The following MAD1L1 variants were observed in gnomAD, a reference collection of about 807,000 sequenced individuals.
MAD1L1 encodes the protein mitotic spindle assembly checkpoint protein MAD1.
MAD1L1 carries 95 observed loss-of-function variants against 96.9 expected under a neutral mutation model. That is an observed-to-expected ratio of 0.98 (90% confidence interval 0.83 to 1.16). The LOEUF (loss-of-function observed/expected upper bound fraction) is 1.16, where lower values mean the gene tolerates loss of function less well. MAD1L1 is among the 50% of genes most tolerant of loss of function. MAD1L1 has a pLI of 0.00. For missense variants in MAD1L1, 1,007 were observed against 954.4 expected (o/e 1.06, Z -0.73); for synonymous variants, 473 against 396.6 (o/e 1.19, Z -2.29).
At chr7:1,861,243 G>C (rs192619023) in intron 18 of MAD1L1, among the ~76,000 whole-genome samples, 19 of 152,312 alleles carry the variant, frequency 1.2e-4, no homozygotes, top group Middle Eastern at 3.4e-3. Flanking sequence ...TGGGTCCGGT[G>C]GGGGCTGGGC....
At chr7:1,834,414 C>A (rs1215886319) in intron 18 of MAD1L1, among the ~76,000 whole-genome samples, 2 of 152,112 alleles carry the variant, frequency 1.3e-5, no homozygotes, top group Non-Finnish European at 2.9e-5. Context: ...AGAGAAGAGA[C>A]AAATTATTAA....
intron 15 of MAD1L1, among the ~76,000 whole-genome samples, chr7:1,959,685 T>TA (rs1305715648): frequency 6.6e-6 from 1 of 152,154 alleles, no homozygotes; most frequent in Non-Finnish European, 1.5e-5. Context: ...ACCGCCACCT[T>TA]AACGGTGAAA....
At chr7:2,215,376 CA>C (rs34020959) in intron 9 of MAD1L1, among the ~76,000 whole-genome samples, 40,441 of 83,178 alleles carry the variant, frequency 0.49, 5,674 homozygotes, top group African/African-American at 0.6. Context: ...GACTCCATCT[CA>C]AAAAAAAAAA....
chr7:1,899,338 G>A (rs1194736985), intron 17 of MAD1L1, among the ~76,000 whole-genome samples: 1 of 152,214 alleles, frequency 6.6e-6, no homozygotes, highest in African/African-American at 2.4e-5. Context: ...TCCCAGCAGT[G>A]CTGTCTGGAG....
intron 12 of MAD1L1, among the ~76,000 whole-genome samples, chr7:2,022,489 G>C (rs2128502436): frequency 6.6e-6 from 1 of 152,082 alleles, no homozygotes; most frequent in South Asian, 2.1e-4. Flanking sequence ...AAATTAGCCG[G>C]GCATGGTGGC....
Position 2,230,117 on chromosome 7 carries a change from TC to T in MAD1L1, c.16del (p.Glu6LysfsTer9), listed in dbSNP as rs1213837148. The T allele has an allele frequency of 6.3e-7, 1 of 1,598,252 alleles. No individual in the cohort carries two copies. Among genetic ancestry groups the T allele is most frequent in the East Asian group, 2.3e-5 (1 of 44,348 alleles). ...CAGGGTGGATAAAACCATGGTGTTT[TC>T]CCCCAGGTCTTCCATGGTTGCTTTC... MEDLG[E>X]NTMVLSTLRS... On this transcript the variant is annotated frameshift_variant, in exon 3 of 19. Transcript: ENST00000265854. LOFTEE classifies it high-confidence loss of function.
chr7:1,833,693 C>A (rs370230319), intron 18 of MAD1L1, among the ~76,000 whole-genome samples: 3 of 152,328 alleles, frequency 2.0e-5, no homozygotes, highest in South Asian at 4.1e-4. Flanking sequence ...GTAATCCCAG[C>A]ACTTTGGGAG....
rs966931932 is a variant in MAD1L1, at chr7:2,101,726, C to G, written c.1074-32388G>C. Among the ~76,000 whole-genome samples, 8 of 152,292 alleles carry G rather than the reference C, an allele frequency of 5.3e-5. 1 individual carries two copies. The highest frequency in any genetic ancestry group is 1.7e-4 in the African/African-American group (7 of 41,534). On this transcript the variant is annotated intron_variant, in intron 11 of 18. Transcript: ENST00000265854. ...CTTACCAAAGTGAGCAGCCTCTATG[C>G]TGCCACCCACCAGACTACCGGCTCC...
chr7:2,162,397 G>C, intron 10 of MAD1L1, among the ~76,000 whole-genome samples: 1 of 151,864 alleles, frequency 6.6e-6, no homozygotes, highest in Non-Finnish European at 1.5e-5. Context: ...CAGCATGCTG[G>C]TTAAGAGTCA....
intron 11 of MAD1L1, among the ~76,000 whole-genome samples, chr7:2,094,981 A>G (rs10242452): frequency 0.096 from 14,595 of 152,270 alleles, 813 homozygotes; most frequent in South Asian, 0.17. Context: ...ACAGTGAAAC[A>G]TGAGCAAAAT....
intron 11 of MAD1L1, among the ~76,000 whole-genome samples, chr7:2,099,334 CAGG>C (rs1037211468): frequency 1.3e-5 from 2 of 152,250 alleles, no homozygotes; most frequent in African/African-American, 4.8e-5. Flanking sequence ...TGTTCCTCAA[CAGG>C]AGTTGTTTCC....
At chr7:2,038,678 A>C (rs1783549592) in intron 12 of MAD1L1, among the ~76,000 whole-genome samples, 1 of 151,584 alleles carries the variant, frequency 6.6e-6, no homozygotes, top group Non-Finnish European at 1.5e-5. Context: ...ACGCCTCACT[A>C]ATTTTTTGTA....
rs559600607 is a variant in MAD1L1, at chr7:1,935,154, G to A, written c.1807+1533C>T. 7.2e-5 allele frequency among the ~76,000 whole-genome samples: 11 copies of A among 152,378 alleles called. No homozygotes were observed. The East Asian group carries it at 1.9e-3, about 27-fold the overall frequency. ...GGCCCCTTCCCAAATCCTCTCCCAGGGTGCAGAGCCACCTAAAAATATGGC... is the reference window on the plus strand; with the variant it reads ...GGCCCCTTCCCAAATCCTCTCCCAGAGTGCAGAGCCACCTAAAAATATGGC... On this transcript the variant is annotated intron_variant, in intron 17 of 18. Coordinates refer to ENST00000265854, the MANE Select transcript of MAD1L1 (RefSeq NM_001013836.2).
At chr7:2,030,845 G>A (rs565471851) in intron 12 of MAD1L1, among the ~76,000 whole-genome samples, 192 of 152,290 alleles carry the variant, frequency 1.3e-3, no homozygotes, top group Middle Eastern at 3.4e-3. Flanking sequence ...TGCGCCTGGT[G>A]CTCTCGGCCA....
chr7:1,879,253 C>A (rs1224077451), intron 18 of MAD1L1, among the ~76,000 whole-genome samples: 1 of 151,956 alleles, frequency 6.6e-6, no homozygotes, highest in African/African-American at 2.4e-5. Context: ...GTCAGGAGTT[C>A]GAGACCAGCC....
rs115032788 is a variant in MAD1L1 at position 1,855,515 on chromosome 7, C to T, written c.1999-39287G>A. 2.7e-3 allele frequency among the ~76,000 whole-genome samples: 407 copies of T among 152,208 alleles called. 1 individual carries two copies. Among genetic ancestry groups the T allele is most frequent in the South Asian group, 7.9e-3 (38 of 4,820 alleles). On this transcript the variant is annotated intron_variant, in intron 18 of 18. Coordinates refer to ENST00000265854, the MANE Select transcript of MAD1L1 (RefSeq NM_001013836.2). Reference sequence around the variant, plus strand: ...CAAATCTCCAGTCTCATCCCTCACACACTCACTTTCCAGAAAACACGGCCC... The same window carrying T: ...CAAATCTCCAGTCTCATCCCTCACATACTCACTTTCCAGAAAACACGGCCC...
At chr7:2,097,895 G>A (rs186184892) in intron 11 of MAD1L1, among the ~76,000 whole-genome samples, 7 of 152,350 alleles carry the variant, frequency 4.6e-5, no homozygotes, top group South Asian at 2.1e-4. Flanking sequence ...GACGAGGGCC[G>A]GGAAAGCAGA....
rs760662034 is a variant in MAD1L1 at position 2,103,043 on chromosome 7, G to A, written c.1074-33705C>T. Among the ~76,000 whole-genome samples the A allele has an allele frequency of 6.6e-6, 1 of 152,218 alleles. No individual in the cohort carries two copies. ...AGCCTCCGTGATGCTGCCAACACCT[G>A]GGTCAGCGCTGGGTCAGGCCTGGCC... is the stretch of plus-strand genomic sequence containing the variant. On this transcript the variant is annotated intron_variant, in intron 11 of 18. Transcript: ENST00000265854. The surrounding 1 kb of genome is among the most constrained non-coding windows in gnomAD (Gnocchi z 4.3).
intron 11 of MAD1L1, among the ~76,000 whole-genome samples, chr7:2,124,356 G>A (rs962167723): frequency 1.3e-5 from 2 of 152,232 alleles, no homozygotes; most frequent in South Asian, 2.1e-4. Context: ...ACCACGGGGC[G>A]TGGAACTGAT....
Sources: allele counts gnomAD v4.1 joint callset (sites outside exome capture counted in the v4.1 genomes callset), GRCh38; gene constraint gnomAD v4.1.1; non-coding constraint Gnocchi (gnomAD v3.1); transcripts MANE v1.5; gene names NCBI Gene and HGNC (gene_info 2026-07-23, HGNC 2026-07-21).